Variants in BCL2 observed in about 807,000 individuals in gnomAD.
BCL2 encodes apoptosis regulator Bcl-2.
A neutral mutation model predicts 14.2 loss-of-function variants in BCL2; 1 was observed. That is an observed-to-expected ratio of 0.07 (90% CI 0.02 to 0.33). The LOEUF is 0.33. BCL2 is among the 10% of genes least tolerant of loss of function. The pLI, the probability that BCL2 is intolerant of heterozygous loss-of-function variation, is 0.99. For missense variants in BCL2, 247 were observed against 305.9 expected (o/e 0.81, Z 1.44); for synonymous variants, 151 against 137.2 (o/e 1.10, Z -0.70).
chr18:63,193,594 G>GTATT, intron 2 of BCL2, among the ~76,000 whole-genome samples: 1 of 149,964 alleles, frequency 6.7e-6, no homozygotes, highest in Non-Finnish European at 1.5e-5. Flanking sequence ...GTGTGTGTGT[G>GTATT]TGTGTGTGTG....
chr18:63,179,508 G>A (rs538716658), intron 2 of BCL2, among the ~76,000 whole-genome samples: 77 of 152,236 alleles, frequency 5.1e-4, no homozygotes, highest in Admixed American at 2.7e-3. Flanking sequence ...TTCTCCTGGT[G>A]CTATTTGTAA....
chr18:63,194,718 C>T (rs1909396101), intron 2 of BCL2, among the ~76,000 whole-genome samples: 1 of 152,270 alleles, frequency 6.6e-6, no homozygotes, highest in Admixed American at 6.5e-5. Context: ...AGTATAAAAA[C>T]CATCTAATAA....
chr18:63,154,789 A>C (rs1490159475), intron 2 of BCL2, among the ~76,000 whole-genome samples: 1 of 152,070 alleles, frequency 6.6e-6, no homozygotes, highest in East Asian at 1.9e-4. Flanking sequence ...CATTTTCTTC[A>C]TCTTGGTTTT....
At chr18:63,151,967 A>C (rs1914663498) in intron 2 of BCL2, among the ~76,000 whole-genome samples, 2 of 152,320 alleles carry the variant, frequency 1.3e-5, no homozygotes, top group South Asian at 2.1e-4. Flanking sequence ...AAGGAAACTT[A>C]GTAGCTGCTC....
At chr18:63,284,346 G>T (rs370577687) in intron 2 of BCL2, among the ~76,000 whole-genome samples, 9 of 152,196 alleles carry the variant, frequency 5.9e-5, no homozygotes, top group African/African-American at 2.2e-4. Flanking sequence ...CAAAATAGGG[G>T]TGCAGTGGTT....
chr18:63,310,967 G>C (rs2144305450), intron 2 of BCL2, among the ~76,000 whole-genome samples: 1 of 151,796 alleles, frequency 6.6e-6, no homozygotes, highest in South Asian at 2.1e-4. Context: ...ATATGGCTAG[G>C]AGATAGCCCT....
At chr18:63,205,379 A>G (rs763400141) in intron 2 of BCL2, among the ~76,000 whole-genome samples, 8 of 152,256 alleles carry the variant, frequency 5.3e-5, no homozygotes, top group Non-Finnish European at 1.2e-4. Flanking sequence ...CGGGCACAGA[A>G]GAAAGCCTTG....
At chr18:63,176,754 T>C (rs1456215878) in intron 2 of BCL2, among the ~76,000 whole-genome samples, 1 of 152,208 alleles carries the variant, frequency 6.6e-6, no homozygotes, top group Non-Finnish European at 1.5e-5. Context: ...AATCTTCTCT[T>C]CCAGCTATTT....
At chr18:63,254,391 A>AAAAT (rs1161266305) in intron 2 of BCL2, among the ~76,000 whole-genome samples, 2 of 145,324 alleles carry the variant, frequency 1.4e-5, no homozygotes, top group African/African-American at 5.2e-5. Context: ...GCTAAAAAAA[A>AAAAT]AAAAAAAAAA....
chr18:63,214,258 G>C (rs1568236273), intron 2 of BCL2, among the ~76,000 whole-genome samples: 1 of 152,204 alleles, frequency 6.6e-6, no homozygotes, highest in Non-Finnish European at 1.5e-5. Flanking sequence ...CCATGAATTG[G>C]AGGAGGACAC....
chr18:63,310,052 AG>A (rs532045629), intron 2 of BCL2, among the ~76,000 whole-genome samples: 15 of 151,956 alleles, frequency 9.9e-5, no homozygotes, highest in Non-Finnish European at 2.1e-4. Flanking sequence ...TAGTAGAGAA[AG>A]GGTTTCACCA....
At chr18:63,213,763 G>T (rs570698915) in intron 2 of BCL2, among the ~76,000 whole-genome samples, 1 of 152,190 alleles carries the variant, frequency 6.6e-6, no homozygotes, top group East Asian at 1.9e-4. Flanking sequence ...TTATCATATA[G>T]AGGCCCTTTG....
At chr18:63,267,727 G>A (rs1911874223) in intron 2 of BCL2, among the ~76,000 whole-genome samples, 1 of 152,136 alleles carries the variant, frequency 6.6e-6, no homozygotes, top group South Asian at 2.1e-4. Context: ...TGAAAGTTCT[G>A]GACTGTGGTT....
At chr18:63,233,210 T>C (rs1210072111) in intron 2 of BCL2, among the ~76,000 whole-genome samples, 1 of 152,202 alleles carries the variant, frequency 6.6e-6, no homozygotes, top group Non-Finnish European at 1.5e-5. Flanking sequence ...TATTTGGGAT[T>C]AGGATTTCAG....
At chr18:63,157,089 CA>C (rs961408813) in intron 2 of BCL2, among the ~76,000 whole-genome samples, 2 of 152,180 alleles carry the variant, frequency 1.3e-5, no homozygotes, top group African/African-American at 4.8e-5. Flanking sequence ...GTGGGTCTGA[CA>C]AATATTTTGT....
rs143100595 is a variant in BCL2 at position 63,294,216 on chromosome 18, G to A, written c.585+23866C>T. ...CAACAGAAACGATGCCAGACTTCTCGGTGCTAAGCAAAGTATAATGAGGCG... is the reference window on the plus strand; with the variant it reads ...CAACAGAAACGATGCCAGACTTCTCAGTGCTAAGCAAAGTATAATGAGGCG... On this transcript the variant is annotated intron_variant, in intron 2 of 2. Transcript: ENST00000333681. Among the ~76,000 whole-genome samples the A allele has an allele frequency of 1.7e-4, 26 of 152,052 alleles. No homozygotes were observed. In the East Asian group the frequency reaches 3.1e-3, roughly 18 times the overall value.
chr18:63,156,260 G>A (rs148830940), intron 2 of BCL2, among the ~76,000 whole-genome samples: 216 of 152,228 alleles, frequency 1.4e-3, no homozygotes, highest in African/African-American at 4.8e-3. Flanking sequence ...AACTTTTCCC[G>A]TTTGTGTCAA....
At chr18:63,171,344 T>C (rs969393902) in intron 2 of BCL2, among the ~76,000 whole-genome samples, 6 of 152,264 alleles carry the variant, frequency 3.9e-5, no homozygotes, top group Non-Finnish European at 7.3e-5. Flanking sequence ...TCATAGTGTG[T>C]CTACCCTGCA....
chr18:63,298,810 A>T (rs975820180), intron 2 of BCL2, among the ~76,000 whole-genome samples: 3 of 152,114 alleles, frequency 2.0e-5, no homozygotes, highest in Non-Finnish European at 4.4e-5. Context: ...TGTCTACGTG[A>T]GATAAATGGT....
Sources: gnomAD v4.1 joint callset for allele counts (sites outside exome capture counted in the v4.1 genomes callset) on GRCh38, gnomAD v4.1.1 for gene constraint, MANE v1.5 for transcripts, NCBI Gene and HGNC (gene_info 2026-07-23, HGNC 2026-07-21) for gene names.